KDM1A: variants seen among roughly 807,000 people sequenced by gnomAD.
The protein encoded by KDM1A is lysine-specific histone demethylase 1A.
Under a neutral mutation model 109.4 loss-of-function variants are expected in KDM1A, and 49 were observed. The observed-to-expected ratio is 0.45, with a 90% CI of 0.36 to 0.57. The LOEUF is 0.57. Among genes scored for constraint, KDM1A ranks in the 20% least tolerant of loss-of-function variants. KDM1A has a pLI of 0.00. For missense variants in KDM1A, 668 were observed against 1,116.6 expected, an observed-to-expected ratio of 0.60 and a Z score of 5.73; for synonymous variants, 380 against 415.4, an observed-to-expected ratio of 0.91 and a Z score of 1.04.
intron 14 of KDM1A, 76 bp downstream of exon 14, chr1:23,072,273 A>G (rs1643342834): frequency 4.9e-6 from 5 of 1,020,440 alleles, no homozygotes; most frequent in Admixed American, 2.0e-5. Flanking sequence ...GGAAAATTCT[A>G]AATCATAATG....
At chr1:23,044,064 C>G (rs1250168320) in intron 2 of KDM1A, among the ~76,000 whole-genome samples, 1 of 152,176 alleles carries the variant, frequency 6.6e-6, no homozygotes, top group African/African-American at 2.4e-5. Context: ...ATTCTAGAGT[C>G]TATGTCAGCT....
chr1:23,065,130 G>GTC (rs2124498300), intron 9 of KDM1A, among the ~76,000 whole-genome samples: 1 of 152,240 alleles, frequency 6.6e-6, no homozygotes, highest in South Asian at 2.1e-4. Flanking sequence ...GAATAGTCAG[G>GTC]TAAGATTTAA....
At chr1:23,066,674 TCACTTTTATACTCCAGGAAAAG>T in intron 10 of KDM1A, among the ~76,000 whole-genome samples, 1 of 152,184 alleles carries the variant, frequency 6.6e-6, no homozygotes, top group Non-Finnish European at 1.5e-5. Context: ...CATAGAAATA[TCACTTTTATACTCCAGGAAAAG>T]CAGTCAGGCG....
intron 2 of KDM1A, among the ~76,000 whole-genome samples, chr1:23,035,145 T>C (rs950556082): frequency 6.6e-6 from 1 of 152,152 alleles, no homozygotes; most frequent in Non-Finnish European, 1.5e-5. Flanking sequence ...TTCTCTATTA[T>C]ATGTGGTAAT....
intron 2 of KDM1A, among the ~76,000 whole-genome samples, chr1:23,038,730 A>G (rs547265912): frequency 6.6e-6 from 1 of 152,310 alleles, no homozygotes; most frequent in East Asian, 1.9e-4. Context: ...TCAAGCACAT[A>G]TCTGTGGTGT....
chr1:23,073,503 A>G (rs185967901), intron 15 of KDM1A, 100 bp downstream of exon 15: 860 of 714,386 alleles, frequency 1.2e-3, no homozygotes, highest in Admixed American at 1.9e-3. Context: ...AGCTTTAGTA[A>G]GAGACATCAT....
At chr1:23,021,851 C>T (rs1280866526) in intron 1 of KDM1A, among the ~76,000 whole-genome samples, 2 of 152,194 alleles carry the variant, frequency 1.3e-5, no homozygotes, top group African/African-American at 4.8e-5. Flanking sequence ...CCAGTCCTCC[C>T]TACCCCCAGT....
intron 1 of KDM1A, among the ~76,000 whole-genome samples, chr1:23,021,679 A>G (rs1381776206): frequency 2.0e-5 from 3 of 152,230 alleles, no homozygotes; most frequent in African/African-American, 7.2e-5. Context: ...AAACAAAAAA[A>G]CAGGCTTATT....
intron 1 of KDM1A, among the ~76,000 whole-genome samples, chr1:23,027,065 A>T (rs964534124): frequency 2.8e-5 from 4 of 144,430 alleles, no homozygotes; most frequent in African/African-American, 1.0e-4. Context: ...AAAATTATCT[A>T]AAAAAAAAAA....
chr1:23,033,872 T>C (rs528930342), intron 2 of KDM1A, among the ~76,000 whole-genome samples: 84 of 152,296 alleles, frequency 5.5e-4, no homozygotes, highest in Non-Finnish European at 1.0e-3. Flanking sequence ...AAATATGTTT[T>C]TGGAAAGACC....
chr1:23,057,143 G>C (rs1220756241), intron 7 of KDM1A, among the ~76,000 whole-genome samples: 1 of 152,084 alleles, frequency 6.6e-6, no homozygotes. Flanking sequence ...TATATGGGTG[G>C]CCCTGTACAT....
chr1:23,023,714 C>G (rs1165101501), intron 1 of KDM1A, among the ~76,000 whole-genome samples: 1 of 152,162 alleles, frequency 6.6e-6, no homozygotes, highest in African/African-American at 2.4e-5. Context: ...ACCAGCTTGT[C>G]AGTTTCTGCA....
chr1:23,076,148 A>G (rs2124532708), intron 15 of KDM1A, among the ~76,000 whole-genome samples: 1 of 152,334 alleles, frequency 6.6e-6, no homozygotes, highest in African/African-American at 2.4e-5. Flanking sequence ...TAATAGTATT[A>G]AATTTTAAAT....
At chr1:23,022,325 T>G (rs1256104763) in intron 1 of KDM1A, among the ~76,000 whole-genome samples, 1 of 48,564 alleles carries the variant, frequency 2.1e-5, no homozygotes, top group Non-Finnish European at 6.4e-5. Context: ...TTCTTCTTCG[T>G]TTTTTTTTTT....
intron 9 of KDM1A, among the ~76,000 whole-genome samples, chr1:23,065,825 T>A (rs890002507): frequency 6.6e-6 from 1 of 152,152 alleles, no homozygotes; most frequent in African/African-American, 2.4e-5. Context: ...CACTCCCCTG[T>A]CTTTTGTTAA....
At chr1:23,057,675 C>T (rs781472512) in intron 8 of KDM1A, 110 bp downstream of exon 8, 10 of 764,658 alleles carry the variant, frequency 1.3e-5, no homozygotes, top group African/African-American at 1.2e-4. Context: ...AGTCATCTTC[C>T]GTTTAGTGAG....
intron 20 of KDM1A, chr1:23,082,886 G>A (rs1643662586): frequency 3.8e-6 from 1 of 263,232 alleles, no homozygotes; most frequent in Non-Finnish European, 7.4e-6. Context: ...CCTCCCAGAA[G>A]GTAGTTATAC....
chr1:23,077,281 G>C lies in KDM1A; in HGVS notation c.1788G>C (p.Ser596=), dbSNP rs569916993. Residue 596 remains serine (S), a synonymous_variant, in exon 16 of 21, where the codon TCG becomes TCC. Transcript: ENST00000400181. ...GSHLTVRNGY[S]CVPVALAEGL... Reference sequence around the variant, plus strand: ...ACCTGACAGTAAGGAATGGCTACTCGTGTGTGCCTGTGGCTTTAGCAGAAG... The same window carrying C: ...ACCTGACAGTAAGGAATGGCTACTCCTGTGTGCCTGTGGCTTTAGCAGAAG... 3.7e-6 allele frequency: 6 copies of C among 1,614,106 alleles called. No individual in the cohort carries two copies. In the Admixed American group the frequency reaches 1.0e-4, roughly 27 times the overall value.
chr1:23,050,832 C>T (rs983330291), intron 4 of KDM1A, among the ~76,000 whole-genome samples: 2 of 152,134 alleles, frequency 1.3e-5, no homozygotes, highest in Admixed American at 1.3e-4. Context: ...CACCTGTAAT[C>T]CCAGCACTTA....
Sources: gnomAD v4.1 joint callset for allele counts (sites outside exome capture counted in the v4.1 genomes callset) on GRCh38, gnomAD v4.1.1 for gene constraint, MANE v1.5 for transcripts, NCBI Gene and HGNC (gene_info 2026-07-23, HGNC 2026-07-21) for gene names.